Variants in UBE2E2 observed in about 807,000 individuals in gnomAD.
UBE2E2 encodes the protein ubiquitin conjugating enzyme E2 E2.
In UBE2E2, 6 loss-of-function variants were observed where a neutral mutation model predicts 24.7. The observed-to-expected ratio is 0.24, with a 90% CI of 0.13 to 0.48. The LOEUF (loss-of-function observed/expected upper bound fraction) is 0.48, where lower values mean the gene tolerates loss of function less well. Ranked by LOEUF, UBE2E2 falls within the 20% of genes least tolerant of loss-of-function variation. The pLI, the probability that UBE2E2 is intolerant of heterozygous loss-of-function variation, is 0.99. For missense variants in UBE2E2, 169 were observed against 245.0 expected (o/e 0.69, Z 2.07); for synonymous variants, 104 against 83.6 (o/e 1.24, Z -1.33).
At chr3:23,400,054 A>G (rs527529525) in intron 3 of UBE2E2, among the ~76,000 whole-genome samples, 5 of 152,282 alleles carry the variant, frequency 3.3e-5, no homozygotes, top group African/African-American at 1.2e-4. Flanking sequence ...TTACTACTCC[A>G]CTGATAAAAT....
chr3:23,523,086 T>TA lies in UBE2E2; in HGVS notation c.361-9460dup, dbSNP rs201282359. 6.2e-3 allele frequency among the ~76,000 whole-genome samples: 940 copies of TA among 152,060 alleles called. 12 individuals are homozygous for TA. Among genetic ancestry groups the TA allele is most frequent in the African/African-American group, 0.02 (838 of 41,488 alleles). ...AATATAATGAAAGAAGTAACTAATTTAAAAAAAACACAAATTTAGAAAAGA... is the reference window on the plus strand; with the variant it reads ...AATATAATGAAAGAAGTAACTAATTTAAAAAAAAACACAAATTTAGAAAAGA... On this transcript the variant is annotated intron_variant, in intron 4 of 5. Coordinates refer to ENST00000396703, the MANE Select transcript of UBE2E2 (RefSeq NM_152653.4).
At chr3:23,564,996 G>A (rs571893931) in intron 5 of UBE2E2, among the ~76,000 whole-genome samples, 1 of 152,268 alleles carries the variant, frequency 6.6e-6, no homozygotes, top group East Asian at 1.9e-4. Context: ...GTACTTTACA[G>A]TGGGAGAGTG....
rs561096123 is a variant in UBE2E2, at chr3:23,485,139, A to G, written c.228-14469A>G. ...AGATGGAGTCTCGTTCTGTGACCCA[A>G]GCTGGAGTGCAGTGGCACGATCTTG... is the stretch of plus-strand genomic sequence containing the variant. On this transcript the variant is annotated intron_variant, in intron 3 of 5. Transcript: ENST00000396703. Among the ~76,000 whole-genome samples the G allele has an allele frequency of 5.5e-5, 8 of 144,522 alleles. No homozygotes were observed. The South Asian group carries it at 8.7e-4, about 16-fold the overall frequency. The allele number at this position is 144,522 out of a possible 152,430, so 94.8% of individuals were successfully genotyped here.
At chr3:23,554,579 A>G (rs1695728699) in intron 5 of UBE2E2, among the ~76,000 whole-genome samples, 1 of 152,166 alleles carries the variant, frequency 6.6e-6, no homozygotes, top group Admixed American at 6.6e-5. Flanking sequence ...TCAACTCAAG[A>G]TAGATAAAAG....
At chr3:23,302,331 A>G (rs1287476582) in intron 3 of UBE2E2, among the ~76,000 whole-genome samples, 3 of 152,230 alleles carry the variant, frequency 2.0e-5, no homozygotes, top group Non-Finnish European at 4.4e-5. Context: ...CCCACTGTGA[A>G]ATAGTTATTA....
intron 3 of UBE2E2, among the ~76,000 whole-genome samples, chr3:23,365,988 A>C (rs924094984): frequency 3.3e-5 from 5 of 152,300 alleles, no homozygotes; most frequent in Middle Eastern, 3.4e-3. Context: ...TCTTTGACAA[A>C]GTCGACAAAA....
At chr3:23,221,661 A>C (rs955298874) in intron 3 of UBE2E2, among the ~76,000 whole-genome samples, 1 of 150,874 alleles carries the variant, frequency 6.6e-6, no homozygotes, top group African/African-American at 2.4e-5. Flanking sequence ...TCTGAGACGG[A>C]GTTTCGCTCT....
intron 3 of UBE2E2, among the ~76,000 whole-genome samples, chr3:23,423,404 C>T (rs1051140075): frequency 6.6e-6 from 1 of 152,072 alleles, no homozygotes; most frequent in Admixed American, 6.5e-5. Flanking sequence ...TAGATCTCTG[C>T]TATTTCATTT....
chr3:23,512,806 G>C (rs779821010), intron 4 of UBE2E2, among the ~76,000 whole-genome samples: 8 of 152,058 alleles, frequency 5.3e-5, no homozygotes, highest in African/African-American at 1.9e-4. Flanking sequence ...TTAGCCAGGC[G>C]TGGTGGCGCA....
rs149637409 is a variant in UBE2E2, at chr3:23,578,870, G to A, written c.509-10864G>A. Among the ~76,000 whole-genome samples the A allele has an allele frequency of 3.2e-3, 485 of 152,086 alleles. 11 individuals carry two copies. The highest frequency in any genetic ancestry group is 6.6e-4 in the Non-Finnish European group (45 of 67,942). On this transcript the variant is annotated intron_variant, in intron 5 of 5. Coordinates refer to ENST00000396703, the MANE Select transcript of UBE2E2 (RefSeq NM_152653.4). Reference sequence around the variant, plus strand: ...ATGATCTGTGCAGCAAACCACCATGGCACGTGTTTATCTGTGTAACAAACA... The same window carrying A: ...ATGATCTGTGCAGCAAACCACCATGACACGTGTTTATCTGTGTAACAAACA...
At chr3:23,522,588 C>T (rs1326750451) in intron 4 of UBE2E2, among the ~76,000 whole-genome samples, 7 of 151,468 alleles carry the variant, frequency 4.6e-5, no homozygotes, top group African/African-American at 1.7e-4. Context: ...TTTTTTAACC[C>T]ATTGAGAAGG....
At chr3:23,402,607 C>T (rs1007679927) in intron 3 of UBE2E2, among the ~76,000 whole-genome samples, 3 of 152,174 alleles carry the variant, frequency 2.0e-5, no homozygotes, top group African/African-American at 7.2e-5. Context: ...AACATATGAT[C>T]ACCTTTTATT....
chr3:23,358,781 G>A (rs181831574), intron 3 of UBE2E2, among the ~76,000 whole-genome samples: 130 of 152,306 alleles, frequency 8.5e-4, no homozygotes, highest in African/African-American at 3.0e-3. Flanking sequence ...TGTGCTTTAA[G>A]TTATTGTGCC....
intron 3 of UBE2E2, among the ~76,000 whole-genome samples, chr3:23,353,578 C>T (rs570654035): frequency 4.6e-5 from 7 of 152,266 alleles, no homozygotes; most frequent in African/African-American, 1.7e-4. Context: ...CACAAGCATT[C>T]TTATACACCA....
intron 3 of UBE2E2, among the ~76,000 whole-genome samples, chr3:23,318,999 A>C (rs2125286895): frequency 6.6e-6 from 1 of 152,282 alleles, no homozygotes; most frequent in African/African-American, 2.4e-5. Context: ...AAATGTTTTC[A>C]TGAGGAAGGA....
intron 3 of UBE2E2, among the ~76,000 whole-genome samples, chr3:23,358,111 G>T (rs1696013854): frequency 6.6e-6 from 1 of 152,138 alleles, no homozygotes; most frequent in African/African-American, 2.4e-5. Flanking sequence ...GCTAGGCCAG[G>T]CATGAGCCAC....
intron 3 of UBE2E2, among the ~76,000 whole-genome samples, chr3:23,344,565 T>G (rs1695494895): frequency 6.6e-6 from 1 of 151,650 alleles, no homozygotes; most frequent in Non-Finnish European, 1.5e-5. Flanking sequence ...AAGAAATGAG[T>G]GAATGAATGA....
At chr3:23,454,324 C>A (rs1698628145) in intron 3 of UBE2E2, among the ~76,000 whole-genome samples, 1 of 152,006 alleles carries the variant, frequency 6.6e-6, no homozygotes, top group African/African-American at 2.4e-5. Flanking sequence ...TTTAAAAGAA[C>A]AAAACGCTTT....
intron 3 of UBE2E2, among the ~76,000 whole-genome samples, chr3:23,458,669 G>T (rs930648565): frequency 6.6e-5 from 10 of 151,946 alleles, no homozygotes; most frequent in African/African-American, 2.2e-4. Context: ...CGCCCACCTC[G>T]GCCTCCCAAA....
Sources: gnomAD v4.1 joint callset for allele counts (sites outside exome capture counted in the v4.1 genomes callset) on GRCh38, gnomAD v4.1.1 for gene constraint, MANE v1.5 for transcripts, NCBI Gene and HGNC (gene_info 2026-07-23, HGNC 2026-07-21) for gene names.